The following SPRY3 variants were observed in gnomAD, a reference collection of about 807,000 sequenced individuals.
The protein encoded by SPRY3 is protein sprouty homolog 3.
Under a neutral mutation model 20.2 loss-of-function variants are expected in SPRY3, and 15 were observed. The ratio of observed to expected loss-of-function variants is 0.74; its 90% CI spans 0.50 to 1.14. The LOEUF (loss-of-function observed/expected upper bound fraction) is 1.14. Among genes scored for constraint, SPRY3 ranks in the 50% most tolerant of loss-of-function variants. SPRY3 has a pLI of 0.00. For missense variants in SPRY3, 364 were observed against 363.9 expected (o/e 1.00, Z 0.00); for synonymous variants, 143 against 136.5 (o/e 1.05, Z -0.33).
At chrX:155,652,119 G>A (rs1050015375) in intron 1 of SPRY3, among the ~76,000 whole-genome samples, 1 of 111,066 alleles carries the variant, frequency 9.0e-6, no homozygotes, top group Non-Finnish European at 1.9e-5. Flanking sequence ...AGAACAGCGA[G>A]GAGGAAATCT....
chrX:155,677,485 A>T (rs781476529), intron 2 of SPRY3, among the ~76,000 whole-genome samples: 1 of 112,045 alleles, frequency 8.9e-6, no homozygotes, highest in South Asian at 3.8e-4. Flanking sequence ...CCAGTTGCTC[A>T]TTGGAAGTGT....
chrX:155,674,792 A>AT (rs1437885398), intron 2 of SPRY3, among the ~76,000 whole-genome samples: 1 of 110,932 alleles, frequency 9.0e-6, no homozygotes, highest in African/African-American at 3.3e-5. Flanking sequence ...ATCATTATAC[A>AT]TTTTTAACAA....
intron 2 of SPRY3, among the ~76,000 whole-genome samples, chrX:155,710,501 T>A (rs2090979194): frequency 6.6e-6 from 1 of 151,742 alleles, no homozygotes; most frequent in South Asian, 2.1e-4. Context: ...GAGTTTTGTA[T>A]GTTGATTTTG....
In SPRY3 at chrX:155,643,299, T is replaced by C. The variant is rs184752344; in HGVS notation, c.-440-13568T>C. ...CTGATGTAAGTGTAACTACTCCTGCTCTTTTTTTGGCATGGAATGTTTTTC... is the reference window on the plus strand; with the variant it reads ...CTGATGTAAGTGTAACTACTCCTGCCCTTTTTTTGGCATGGAATGTTTTTC... On this transcript the variant is annotated intron_variant, in intron 1 of 3. Transcript: ENST00000675360. Among the ~76,000 whole-genome samples, 132 of 111,914 alleles carry C rather than the reference T, an allele frequency of 1.2e-3. No individual in the cohort carries two copies. The South Asian group carries it at 0.013, about 11-fold the overall frequency.
chrX:155,770,252 G>T (rs189612304), intron 3 of SPRY3, among the ~76,000 whole-genome samples: 1 of 152,156 alleles, frequency 6.6e-6, no homozygotes, highest in Non-Finnish European at 1.5e-5. Context: ...GTCTTGCGGT[G>T]TTAGCATAGA....
intron 2 of SPRY3, among the ~76,000 whole-genome samples, chrX:155,763,879 G>T (rs1465009746): frequency 6.6e-6 from 1 of 151,848 alleles, no homozygotes; most frequent in Non-Finnish European, 1.5e-5. Context: ...ATATGTTTTT[G>T]AGTTAACTGT....
chrX:155,688,050 C>T (rs184290866), intron 2 of SPRY3, among the ~76,000 whole-genome samples: 2 of 86,190 alleles, frequency 2.3e-5, no homozygotes, highest in African/African-American at 4.2e-5. Flanking sequence ...CCCCACCCCT[C>T]CCCCGCCCCA....
At chrX:155,766,095 AAG>A (rs1373592418) in intron 2 of SPRY3, among the ~76,000 whole-genome samples, 11 of 152,184 alleles carry the variant, frequency 7.2e-5, no homozygotes, top group African/African-American at 2.4e-4. Flanking sequence ...CAAATGGGAA[AAG>A]AGAGCTGGAT....
chrX:155,709,413 G>A (rs2090971890), intron 2 of SPRY3, among the ~76,000 whole-genome samples: 1 of 151,640 alleles, frequency 6.6e-6, no homozygotes, highest in African/African-American at 2.4e-5. Context: ...TATCTGATGA[G>A]CAATGATGCT....
chrX:155,661,618 A>G (rs782381931), intron 2 of SPRY3, among the ~76,000 whole-genome samples: 68 of 111,808 alleles, frequency 6.1e-4, no homozygotes, highest in African/African-American at 2.1e-3. Flanking sequence ...TATTTCCTCA[A>G]TAGGTTTTCC....
chrX:155,715,484 T>A (rs2091015881), intron 2 of SPRY3, among the ~76,000 whole-genome samples: 1 of 152,118 alleles, frequency 6.6e-6, no homozygotes, highest in Non-Finnish European at 1.5e-5. Flanking sequence ...TTCCCTCTCA[T>A]CTTCAAATGG....
intron 2 of SPRY3, among the ~76,000 whole-genome samples, chrX:155,759,707 A>G (rs2091296835): frequency 6.6e-6 from 1 of 152,196 alleles, no homozygotes; most frequent in African/African-American, 2.4e-5. Flanking sequence ...CATGTAAATT[A>G]TATTACCATA....
chrX:155,775,076 C>G, exon 4 of SPRY3: 3 of 378,946 alleles, frequency 7.9e-6, no homozygotes, highest in Middle Eastern at 7.5e-4. Context: ...AATGTAATAC[C>G]TCTCGATGCA....
intron 2 of SPRY3, among the ~76,000 whole-genome samples, chrX:155,716,878 A>G (rs1263950176): frequency 6.6e-6 from 1 of 150,948 alleles, no homozygotes; most frequent in African/African-American, 2.4e-5. Context: ...TCACACCTAT[A>G]ATCCCAGCAC....
At position 155,774,208 on chromosome X, in the gene SPRY3, A is replaced by G. The variant is rs763323203; in HGVS notation, c.337A>G (p.Ile113Val). 9 of 1,613,820 alleles carry G rather than the reference A, an allele frequency of 5.6e-6. No homozygotes were observed. The African/African-American group carries it at 8.0e-5, about 14-fold the overall frequency. ...ACCCTCACCTTCAGGCCAATCCATCATCCGAACCCAACCTGGAGCAGGGGT... is the reference window on the plus strand; with the variant it reads ...ACCCTCACCTTCAGGCCAATCCATCGTCCGAACCCAACCTGGAGCAGGGGT... Residue 113 changes from isoleucine to valine, a missense_variant, in exon 4 of 4, where the codon ATC (isoleucine) becomes GTC (valine). Coordinates refer to ENST00000675360, the Ensembl canonical transcript of SPRY3.
At chrX:155,654,932 A>C (rs901014366) in intron 1 of SPRY3, among the ~76,000 whole-genome samples, 1 of 111,269 alleles carries the variant, frequency 9.0e-6, no homozygotes, top group Non-Finnish European at 1.9e-5. Flanking sequence ...GTTCTTTGAG[A>C]ATCCCCACAC....
intron 2 of SPRY3, among the ~76,000 whole-genome samples, chrX:155,686,152 C>A (rs1421983061): frequency 1.8e-5 from 2 of 111,230 alleles, no homozygotes; most frequent in Admixed American, 1.9e-4. Context: ...TATTTCTTTG[C>A]TGATACCTTC....
intron 2 of SPRY3, among the ~76,000 whole-genome samples, chrX:155,691,260 A>G (rs2068101344): frequency 1.1e-5 from 1 of 87,772 alleles, no homozygotes; most frequent in South Asian, 4.6e-4. Context: ...GCTCAATTAT[A>G]TCAACTTTGG....
At chrX:155,648,567 A>G (rs2067965590) in intron 1 of SPRY3, among the ~76,000 whole-genome samples, 1 of 112,312 alleles carries the variant, frequency 8.9e-6, no homozygotes, top group Non-Finnish European at 1.9e-5. Flanking sequence ...TCCTTTCCCC[A>G]TTGCTTGTTT....
Sources: gnomAD v4.1 joint callset for allele counts (sites outside exome capture counted in the v4.1 genomes callset) on GRCh38, gnomAD v4.1.1 for gene constraint, MANE v1.5 for transcripts, NCBI Gene and HGNC (gene_info 2026-07-23, HGNC 2026-07-21) for gene names.